Variants in COL25A1 observed in about 807,000 individuals in gnomAD.
COL25A1 encodes the protein collagen type XXV alpha 1 chain.
COL25A1 carries 103 observed loss-of-function variants against 128.4 expected under a neutral mutation model. That is an observed-to-expected ratio of 0.80 (90% CI 0.68 to 0.94). The LOEUF is 0.94. Among genes scored for constraint, COL25A1 ranks in the 40% least tolerant of loss-of-function variants. The probability of loss-of-function intolerance (pLI) is 0.00; values close to 1 mark genes in which losing one functional copy is unlikely to be tolerated. For missense variants in COL25A1, 745 were observed against 840.0 expected, an observed-to-expected ratio of 0.89 and a Z score of 1.40; for synonymous variants, 279 against 277.2, an observed-to-expected ratio of 1.01 and a Z score of -0.06.
chr4:109,070,020 G>A (rs1277139307), intron 3 of COL25A1, among the ~76,000 whole-genome samples: 1 of 150,578 alleles, frequency 6.6e-6, no homozygotes, highest in Non-Finnish European at 1.5e-5. Context: ...ACTTTGGGAG[G>A]CCAAGGTGGG....
rs1454865418 is a variant in COL25A1, at chr4:109,013,654, C to CA, written c.421-3280_421-3279insT. 8.6e-5 allele frequency among the ~76,000 whole-genome samples: 13 copies of CA among 151,896 alleles called. No homozygotes were observed. In the East Asian group the frequency reaches 1.9e-3, roughly 23 times the overall value. ...ACCAGGAGGAATGAACAACTCTGAACGGAAGGAATGAACAACTCCAGACGC... is the reference window on the plus strand; with the variant it reads ...ACCAGGAGGAATGAACAACTCTGAACAGGAAGGAATGAACAACTCCAGACGC... On this transcript the variant is annotated intron_variant, in intron 5 of 37. Coordinates refer to ENST00000399132, the MANE Select transcript of COL25A1 (RefSeq NM_198721.4).
At chr4:109,076,445 G>A (rs1174897189) in intron 3 of COL25A1, among the ~76,000 whole-genome samples, 1 of 152,070 alleles carries the variant, frequency 6.6e-6, no homozygotes, top group African/African-American at 2.4e-5. Context: ...TAACCCTGGT[G>A]TTCTGCTGAT....
At chr4:109,121,049 G>A (rs1579432791) in intron 3 of COL25A1, among the ~76,000 whole-genome samples, 1 of 151,936 alleles carries the variant, frequency 6.6e-6, no homozygotes, top group Admixed American at 6.6e-5. Context: ...TAGATTCAAT[G>A]CAATCCCAAT....
chr4:109,178,047 C>A (rs1486922373), intron 3 of COL25A1, among the ~76,000 whole-genome samples: 1 of 152,144 alleles, frequency 6.6e-6, no homozygotes, highest in Non-Finnish European at 1.5e-5. Context: ...CAAACTGATA[C>A]CATTTCTGGG....
At chr4:109,175,675 A>G (rs1774026637) in intron 3 of COL25A1, among the ~76,000 whole-genome samples, 1 of 152,208 alleles carries the variant, frequency 6.6e-6, no homozygotes, top group Non-Finnish European at 1.5e-5. Flanking sequence ...TTAATTGTTC[A>G]GCGAATAAAA....
At chr4:108,853,518 G>T (rs139963424) in intron 24 of COL25A1, among the ~76,000 whole-genome samples, 114 of 151,914 alleles carry the variant, frequency 7.5e-4, no homozygotes, top group Non-Finnish European at 1.1e-3. Context: ...AAAATTTATT[G>T]ATTGATTGAT....
At chr4:109,265,523 G>A (rs1466675340) in intron 3 of COL25A1, among the ~76,000 whole-genome samples, 1 of 73,250 alleles carries the variant, frequency 1.4e-5, no homozygotes, top group Non-Finnish European at 2.3e-5. Context: ...CAGTACGTGT[G>A]TGTGTGTGTG....
chr4:108,975,042 T>C (rs948786913), intron 6 of COL25A1, among the ~76,000 whole-genome samples: 1 of 152,210 alleles, frequency 6.6e-6, no homozygotes, highest in Non-Finnish European at 1.5e-5. Flanking sequence ...TTGTGTGTAG[T>C]TGTAGATTGT....
At chr4:109,283,043 A>G (rs1235613496) in intron 3 of COL25A1, among the ~76,000 whole-genome samples, 2 of 152,258 alleles carry the variant, frequency 1.3e-5, no homozygotes, top group African/African-American at 4.8e-5. Context: ...CTTAATGAAC[A>G]TAAGAACAAG....
intron 3 of COL25A1, among the ~76,000 whole-genome samples, chr4:109,164,462 GTGTT>G (rs1772878965): frequency 6.6e-6 from 1 of 152,066 alleles, no homozygotes; most frequent in African/African-American, 2.4e-5. Context: ...AGAAATACAT[GTGTT>G]TGTTTGTTGG....
At chr4:109,206,447 C>T (rs1239496396) in intron 3 of COL25A1, among the ~76,000 whole-genome samples, 1 of 152,092 alleles carries the variant, frequency 6.6e-6, no homozygotes, top group Non-Finnish European at 1.5e-5. Flanking sequence ...AATAAATCCA[C>T]CTTAAATCCA....
intron 3 of COL25A1, among the ~76,000 whole-genome samples, chr4:109,237,054 T>G (rs990259765): frequency 6.6e-6 from 1 of 152,032 alleles, no homozygotes; most frequent in Non-Finnish European, 1.5e-5. Context: ...TTTTAAAAAT[T>G]TATACTACCA....
At chr4:108,992,582 AATAAC>A (rs1232991973) in intron 6 of COL25A1, among the ~76,000 whole-genome samples, 2 of 152,324 alleles carry the variant, frequency 1.3e-5, no homozygotes, top group African/African-American at 2.4e-5. Flanking sequence ...TACAAAATAA[AATAAC>A]ATAACATAAG....
At chr4:109,169,070 C>T (rs770948017) in intron 3 of COL25A1, among the ~76,000 whole-genome samples, 22 of 152,128 alleles carry the variant, frequency 1.4e-4, no homozygotes, top group Non-Finnish European at 2.1e-4. Context: ...CCACACTCTA[C>T]GGTATACATT....
chr4:109,224,069 G>GT (rs1465191972), intron 3 of COL25A1, among the ~76,000 whole-genome samples: 1 of 152,116 alleles, frequency 6.6e-6, no homozygotes, highest in African/African-American at 2.4e-5. Flanking sequence ...AATTTTTAAT[G>GT]TTTTTTAATA....
chr4:109,144,199 T>C (rs907293337), intron 3 of COL25A1, among the ~76,000 whole-genome samples: 2 of 152,216 alleles, frequency 1.3e-5, no homozygotes, highest in Non-Finnish European at 2.9e-5. Context: ...TTCCCAACCC[T>C]GTTTGCCCTA....
intron 33 of COL25A1, among the ~76,000 whole-genome samples, chr4:108,825,686 G>C (rs961029267): frequency 6.6e-6 from 1 of 152,180 alleles, no homozygotes; most frequent in African/African-American, 2.4e-5. Context: ...AGCACTAATA[G>C]AGGATGTGAA....
intron 5 of COL25A1, among the ~76,000 whole-genome samples, chr4:109,028,871 A>G (rs147741612): frequency 2.0e-3 from 308 of 152,356 alleles, no homozygotes; most frequent in African/African-American, 7.1e-3. Context: ...GAAGACACCA[A>G]TTCACTGTGT....
intron 3 of COL25A1, among the ~76,000 whole-genome samples, chr4:109,121,115 T>C (rs952240888): frequency 1.3e-5 from 2 of 152,072 alleles, no homozygotes; most frequent in Admixed American, 1.3e-4. Flanking sequence ...AAGGTTGATA[T>C]AGAGTGGCAA....
Sources: gnomAD v4.1 joint callset for allele counts (sites outside exome capture counted in the v4.1 genomes callset) on GRCh38, gnomAD v4.1.1 for gene constraint, MANE v1.5 for transcripts, NCBI Gene and HGNC (gene_info 2026-07-23, HGNC 2026-07-21) for gene names.